The following PDE1C variants were observed in gnomAD, a reference collection of about 807,000 sequenced individuals.
PDE1C encodes the protein dual specificity calcium/calmodulin-dependent 3',5'-cyclic nucleotide phosphodiesterase 1C.
In PDE1C, 62 loss-of-function variants were observed where a neutral mutation model predicts 93.1. The observed-to-expected ratio is 0.67, with a 90% CI of 0.54 to 0.82. The LOEUF (loss-of-function observed/expected upper bound fraction) is 0.82, where lower values mean the gene tolerates loss of function less well. Ranked by LOEUF, PDE1C falls within the 40% of genes least tolerant of loss-of-function variation. The pLI is 0.00. For missense variants in PDE1C, 742 were observed against 884.6 expected, an observed-to-expected ratio of 0.84 and a Z score of 2.04; for synonymous variants, 325 against 310.1, an observed-to-expected ratio of 1.05 and a Z score of -0.50.
At position 32,233,360 on chromosome 7, in the gene PDE1C, T is replaced by A. The variant is rs756001321; in HGVS notation, c.86-23821A>T. On this transcript the variant is annotated intron_variant, in intron 1 of 18. Coordinates refer to the PDE1C transcript ENST00000396193. Reference sequence around the variant, plus strand: ...ATTACAATAACATGCTAAATGTAAGTGGTTTAAATACACCAATTAAAAGAC... The same window carrying A: ...ATTACAATAACATGCTAAATGTAAGAGGTTTAAATACACCAATTAAAAGAC... Among the ~76,000 whole-genome samples, 131 of 152,172 alleles carry A rather than the reference T, an allele frequency of 8.6e-4. 1 individual carries two copies. The highest frequency in any genetic ancestry group is 2.6e-4 in the Non-Finnish European group (18 of 68,016).
intron 2 of PDE1C, among the ~76,000 whole-genome samples, chr7:32,021,628 G>T (rs2128613766): frequency 6.6e-6 from 1 of 152,120 alleles, no homozygotes; most frequent in South Asian, 2.1e-4. Flanking sequence ...GTATTCCTTG[G>T]CTGAAGAATT....
chr7:32,210,825 T>C (rs112639209), intron 1 of PDE1C, among the ~76,000 whole-genome samples: 3,504 of 152,274 alleles, frequency 0.023, 78 homozygotes, highest in African/African-American at 0.059. Context: ...TCTTACTATA[T>C]ATTACTATAT....
rs1206634456 is a variant in PDE1C, at chr7:32,205,115, G to C, written c.136+4374C>G. Among the ~76,000 whole-genome samples, 4 of 152,340 alleles carry C rather than the reference G, an allele frequency of 2.6e-5. No homozygotes were observed. The East Asian group carries it at 7.7e-4, about 29-fold the overall frequency. The stretch of plus-strand genomic sequence containing the variant: ...CCTGTGCTTCATATAATGAATTCCA[G>C]GTTATCAGGGCCAATATCCACCTCT... On this transcript the variant is annotated intron_variant, in intron 2 of 18. Coordinates refer to the PDE1C transcript ENST00000396193.
chr7:32,226,733 G>A (rs558423952), intron 1 of PDE1C, among the ~76,000 whole-genome samples: 2 of 152,302 alleles, frequency 1.3e-5, no homozygotes, highest in South Asian at 2.1e-4. Flanking sequence ...CAGTATGCAG[G>A]AGCCACTGTG....
chr7:32,087,931 G>A (rs1014626149), intron 3 of PDE1C, among the ~76,000 whole-genome samples: 1 of 151,606 alleles, frequency 6.6e-6, no homozygotes, highest in East Asian at 1.9e-4. Flanking sequence ...CAGCACACCA[G>A]CATGGCACAT....
At chr7:32,335,023 T>C (rs215643) in intron 1 of PDE1C, among the ~76,000 whole-genome samples, 145,161 of 152,270 alleles carry the variant, frequency 0.95, 69,386 homozygotes, top group East Asian at 1. Context: ...CCTATCACTG[T>C]TCTCTCCCGG....
chr7:31,695,573 C>A, the PDE1C span: 27 of 1,613,482 alleles, frequency 1.7e-5, no homozygotes, highest in East Asian at 2.2e-5. Flanking sequence ...CCAAAAAAAA[C>A]CAAGGAGGAA....
chr7:32,142,650 ATCT>A (rs1800606833), intron 3 of PDE1C, among the ~76,000 whole-genome samples: 1 of 152,062 alleles, frequency 6.6e-6, no homozygotes, highest in African/African-American at 2.4e-5. Flanking sequence ...ACCATCCACC[ATCT>A]TCTCTTTTTC....
At chr7:31,755,110 G>T (rs561569951) in intron 17 of PDE1C, among the ~76,000 whole-genome samples, 2 of 152,170 alleles carry the variant, frequency 1.3e-5, no homozygotes, top group East Asian at 3.9e-4. Flanking sequence ...TTTCCCATGG[G>T]GCTATTGGTT....
intron 2 of PDE1C, among the ~76,000 whole-genome samples, chr7:31,965,627 G>C (rs576409717): frequency 2.3e-4 from 35 of 152,080 alleles, no homozygotes; most frequent in African/African-American, 8.0e-4. Flanking sequence ...GATACTCCTC[G>C]AGAAGAGCAA....
chr7:31,760,902 C>T (rs1794793713), intron 17 of PDE1C, among the ~76,000 whole-genome samples: 1 of 151,998 alleles, frequency 6.6e-6, no homozygotes, highest in Non-Finnish European at 1.5e-5. Context: ...TTTCTAAAAT[C>T]AGTATCTGTT....
In PDE1C at chr7:32,312,304, C is replaced by G. The variant is rs534680114; in HGVS notation, c.311-102765G>C. Among the ~76,000 whole-genome samples the G allele has an allele frequency of 9.2e-5, 14 of 151,850 alleles. No individual in the cohort carries two copies. The East Asian group carries it at 2.7e-3, about 29-fold the overall frequency. ...TTCCATGCTCATGGGTAGGAAGAAT[C>G]AATATCGTGAAAATGGCCATACTGC... On this transcript the variant is annotated intron_variant, in intron 1 of 1. Coordinates refer to the PDE1C transcript ENST00000672256.
At chr7:31,674,847 A>G in the PDE1C span, among the ~76,000 whole-genome samples, 39 of 151,380 alleles carry the variant, frequency 2.6e-4, no homozygotes, top group Admixed American at 2.0e-4. Flanking sequence ...TGATGTTCAG[A>G]ATCCATTTCC....
intron 3 of PDE1C, among the ~76,000 whole-genome samples, chr7:32,158,485 AT>A (rs767450994): frequency 3.9e-5 from 6 of 152,352 alleles, no homozygotes; most frequent in Admixed American, 2.0e-4. Flanking sequence ...TGTTTAGTCA[AT>A]GACCATTAGC....
chr7:32,383,469 G>C (rs1427949408), intron 1 of PDE1C, among the ~76,000 whole-genome samples: 1 of 152,310 alleles, frequency 6.6e-6, no homozygotes, highest in South Asian at 2.1e-4. Context: ...GTCTCTTCTA[G>C]ATCTGGCATT....
chr7:31,665,356 T>C, the PDE1C span, among the ~76,000 whole-genome samples: 1 of 152,196 alleles, frequency 6.6e-6, no homozygotes, highest in Non-Finnish European at 1.5e-5. Flanking sequence ...GTTTCTTTCA[T>C]AGCATGTATT....
rs1584932758 is a variant in PDE1C, at chr7:32,190,947, T to G, written c.136+18542A>C. Among the ~76,000 whole-genome samples, 4 of 152,134 alleles carry G rather than the reference T, an allele frequency of 2.6e-5. No homozygotes were observed. In the East Asian group the frequency reaches 5.8e-4, roughly 22 times the overall value. ...TTGGTGATCAGCAGAGGGAGAGGAT[T>G]TTCCATGCAGAAGGGACAGCATATG... On this transcript the variant is annotated intron_variant, in intron 2 of 18. Transcript: ENST00000396193.
the PDE1C span, among the ~76,000 whole-genome samples, chr7:31,671,281 G>A: frequency 1.1e-3 from 174 of 152,212 alleles, no homozygotes; most frequent in Non-Finnish European, 2.0e-3. Context: ...ATTCTGCCAC[G>A]GGGCCAGCAT....
intron 3 of PDE1C, among the ~76,000 whole-genome samples, chr7:32,125,175 C>T (rs954134987): frequency 6.6e-6 from 1 of 152,270 alleles, no homozygotes; most frequent in Non-Finnish European, 1.5e-5. Context: ...GAGATACCAT[C>T]TCACGCCAGT....
Sources: allele counts gnomAD v4.1 joint callset (sites outside exome capture counted in the v4.1 genomes callset), GRCh38; gene constraint gnomAD v4.1.1; transcripts MANE v1.5; gene names NCBI Gene and HGNC (gene_info 2026-07-23, HGNC 2026-07-21).